FGF14: variants seen among roughly 807,000 people sequenced by gnomAD.
FGF14 encodes the protein fibroblast growth factor homologous factor 4.
In FGF14, 5 loss-of-function variants were observed where a neutral mutation model predicts 25.5. That is an observed-to-expected ratio of 0.20 (90% CI 0.10 to 0.41). The LOEUF (loss-of-function observed/expected upper bound fraction) is 0.41, where lower values mean the gene tolerates loss of function less well. Among genes scored for constraint, FGF14 ranks in the 10% least tolerant of loss-of-function variants. The pLI is 1.00. For missense variants in FGF14, 222 were observed against 320.1 expected, an observed-to-expected ratio of 0.69 and a Z score of 2.34; for synonymous variants, 138 against 118.3, an observed-to-expected ratio of 1.17 and a Z score of -1.08.
At chr13:101,788,696 A>G (rs1035133042) in intron 3 of FGF14, among the ~76,000 whole-genome samples, 1 of 151,558 alleles carries the variant, frequency 6.6e-6, no homozygotes, top group Non-Finnish European at 1.5e-5. Flanking sequence ...TGTATTTTCT[A>G]TGCAATTCTC....
intron 3 of FGF14, among the ~76,000 whole-genome samples, chr13:101,742,020 C>G (rs1439743340): frequency 3.9e-5 from 6 of 152,246 alleles, no homozygotes; most frequent in Admixed American, 3.9e-4. Context: ...AGTTAGAGAT[C>G]AATAAATATG....
chr13:102,083,607 A>G (rs2043745091), intron 1 of FGF14, among the ~76,000 whole-genome samples: 1 of 152,198 alleles, frequency 6.6e-6, no homozygotes, highest in African/African-American at 2.4e-5. Flanking sequence ...AAACCCACTG[A>G]CAACTTGTAA....
intron 1 of FGF14, among the ~76,000 whole-genome samples, chr13:101,981,486 TTA>T (rs1288460503): frequency 6.6e-6 from 1 of 152,170 alleles, no homozygotes; most frequent in Non-Finnish European, 1.5e-5. Flanking sequence ...GGGTATTTTG[TTA>T]TAGCAGCCCA....
In FGF14 at chr13:102,139,055, T is replaced by C. The variant is rs75976524; in HGVS notation, c.208+262416A>G. Among the ~76,000 whole-genome samples the C allele has an allele frequency of 4.4e-3, 671 of 152,332 alleles. 13 individuals are homozygous for C. The highest frequency in any genetic ancestry group is 0.015 in the African/African-American group (626 of 41,574). On this transcript the variant is annotated intron_variant, in intron 1 of 4. Transcript: ENST00000376131. ...TTTGATGGTCTTGCTACAAGTTCCA[T>C]GTAAACAATGTATTCCAACATCCCT...
At chr13:102,152,203 T>C (rs1160672578) in intron 1 of FGF14, among the ~76,000 whole-genome samples, 1 of 152,228 alleles carries the variant, frequency 6.6e-6, no homozygotes, top group East Asian at 1.9e-4. Flanking sequence ...CAACCTCTCA[T>C]CATGATTTCA....
chr13:101,944,512 A>T (rs2476233), intron 1 of FGF14, among the ~76,000 whole-genome samples: 1 of 152,142 alleles, frequency 6.6e-6, no homozygotes, highest in African/African-American at 2.4e-5. Flanking sequence ...TAGTTTGCCA[A>T]TCCCTGAGTT....
intron 1 of FGF14, among the ~76,000 whole-genome samples, chr13:101,888,008 T>C (rs946163303): frequency 1.3e-5 from 2 of 152,084 alleles, no homozygotes; most frequent in African/African-American, 2.4e-5. Flanking sequence ...ATGTGGATGA[T>C]GGAATGAAGT....
chr13:102,034,562 G>A (rs186748140), intron 1 of FGF14, among the ~76,000 whole-genome samples: 12 of 152,242 alleles, frequency 7.9e-5, no homozygotes, highest in South Asian at 4.1e-4. Context: ...GGGCAAAAAT[G>A]TAATGAGGTG....
intron 1 of FGF14, among the ~76,000 whole-genome samples, chr13:102,245,678 C>T (rs1472344827): frequency 6.6e-6 from 1 of 152,020 alleles, no homozygotes; most frequent in African/African-American, 2.4e-5. Flanking sequence ...TGAACACACA[C>T]TATCCTCTGG....
At chr13:101,892,599 G>A (rs4772426) in intron 1 of FGF14, among the ~76,000 whole-genome samples, 50,288 of 151,982 alleles carry the variant, frequency 0.33, 9,167 homozygotes, top group African/African-American at 0.46. Flanking sequence ...AATTTGCAGA[G>A]AACAAGGAGG....
At chr13:101,765,718 TTTTATTTATTTA>T (rs561624693) in intron 3 of FGF14, among the ~76,000 whole-genome samples, 3 of 143,320 alleles carry the variant, frequency 2.1e-5, no homozygotes, top group Non-Finnish European at 4.5e-5. Context: ...ATTATTATTA[TTTTATTTATTTA>T]TTTATTTATT....
intron 1 of FGF14, among the ~76,000 whole-genome samples, chr13:102,320,047 C>T (rs1377893756): frequency 6.6e-6 from 1 of 152,002 alleles, no homozygotes; most frequent in African/African-American, 2.4e-5. Flanking sequence ...ATATAGTTTC[C>T]ATTTTCAAAA....
At chr13:101,926,961 A>T (rs183000717) in intron 1 of FGF14, among the ~76,000 whole-genome samples, 1 of 152,236 alleles carries the variant, frequency 6.6e-6, no homozygotes, top group African/African-American at 2.4e-5. Context: ...ATGCGGACAG[A>T]GGAAGAGGAA....
At chr13:101,752,731 G>A (rs977390884) in intron 3 of FGF14, among the ~76,000 whole-genome samples, 1 of 151,936 alleles carries the variant, frequency 6.6e-6, no homozygotes, top group African/African-American at 2.4e-5. Context: ...TTTCCCTTCT[G>A]CCATTCTAAG....
chr13:102,093,993 C>CT (rs2044282099), intron 1 of FGF14, among the ~76,000 whole-genome samples: 2 of 147,676 alleles, frequency 1.4e-5, no homozygotes, highest in South Asian at 4.3e-4. Flanking sequence ...TCTATAAACT[C>CT]TAATATGATT....
chr13:102,308,900 A>G, intron 1 of FGF14, among the ~76,000 whole-genome samples: 1 of 138,094 alleles, frequency 7.2e-6, no homozygotes, highest in East Asian at 2.5e-4. Flanking sequence ...TATATGAACT[A>G]GGAGGGTTTC....
intron 1 of FGF14, among the ~76,000 whole-genome samples, chr13:102,103,128 T>A (rs926093162): frequency 6.6e-6 from 1 of 151,822 alleles, no homozygotes; most frequent in South Asian, 2.1e-4. Context: ...AAACAAGAGG[T>A]GAGGACAGAA....
intron 1 of FGF14, among the ~76,000 whole-genome samples, chr13:101,942,253 T>C (rs1232290316): frequency 6.6e-6 from 1 of 152,186 alleles, no homozygotes; most frequent in Non-Finnish European, 1.5e-5. Context: ...ACTCTAGTTA[T>C]CACCATCGAG....
At chr13:102,088,765 C>T (rs1566670351) in intron 1 of FGF14, among the ~76,000 whole-genome samples, 1 of 152,200 alleles carries the variant, frequency 6.6e-6, no homozygotes, top group South Asian at 2.1e-4. Flanking sequence ...AAAAGAGACA[C>T]ATGTTTGTGT....
Sources: allele counts gnomAD v4.1 joint callset (sites outside exome capture counted in the v4.1 genomes callset), GRCh38; gene constraint gnomAD v4.1.1; transcripts MANE v1.5; gene names NCBI Gene and HGNC (gene_info 2026-07-23, HGNC 2026-07-21).